OC90: variants seen among roughly 807,000 people sequenced by gnomAD.
OC90 encodes otoconin 90.
Under a neutral mutation model 47.3 loss-of-function variants are expected in OC90, and 46 were observed. That is an observed-to-expected ratio of 0.97 (90% confidence interval 0.77 to 1.24). The LOEUF is 1.24. Ranked by LOEUF, OC90 falls within the 50% of genes most tolerant of loss-of-function variation. The pLI is 0.00. For synonymous variants in OC90, 271 were observed against 219.5 expected, an observed-to-expected ratio of 1.23 and a Z score of -2.07; for missense variants, 688 against 583.9, an observed-to-expected ratio of 1.18 and a Z score of -1.84.
At chr8:132,055,982 T>G (rs1823275478) in intron 1 of OC90, among the ~76,000 whole-genome samples, 1 of 152,200 alleles carries the variant, frequency 6.6e-6, no homozygotes. Flanking sequence ...CCATAAATAA[T>G]GTAAATACGG....
At chr8:132,028,823 AAG>A (rs1822826370) in intron 13 of OC90, among the ~76,000 whole-genome samples, 1 of 142,410 alleles carries the variant, frequency 7.0e-6, no homozygotes, top group Non-Finnish European at 1.6e-5. Flanking sequence ...AAGAAAGAAA[AAG>A]AAAGAAAGAA....
intron 13 of OC90, among the ~76,000 whole-genome samples, chr8:132,028,724 G>GAA (rs564164299): frequency 2.9e-4 from 38 of 128,942 alleles, no homozygotes; most frequent in African/African-American, 4.7e-4. Flanking sequence ...AAGAAAGAAA[G>GAA]AGAAAGAAAG....
intron 12 of OC90, 73 bp downstream of exon 12, chr8:132,031,808 G>T: frequency 7.5e-7 from 1 of 1,342,044 alleles, no homozygotes; most frequent in Non-Finnish European, 1.0e-6. Flanking sequence ...TGTCCAGGAG[G>T]GCTGTCACCA....
intron 2 of OC90, among the ~76,000 whole-genome samples, chr8:132,046,782 C>T (rs1455246816): frequency 6.6e-6 from 1 of 152,208 alleles, no homozygotes; most frequent in Non-Finnish European, 1.5e-5. Context: ...CACTGTCCAT[C>T]TGACACTGTG....
chr8:132,024,643 G>T lies in OC90; in HGVS notation c.1272C>A (p.Ala424=), dbSNP rs749615461. Residue 424 remains alanine (A), a synonymous_variant, in exon 14 of 14, where the codon GCC becomes GCA. Coordinates refer to ENST00000254627, the MANE Select transcript of OC90 (RefSeq NM_001080399.3). ...GCACAGGGTGCAGGCTGTCTTCACA[G>T]GCTGCTGGCTGCCCAGGGCACCCGA... is the stretch of plus-strand genomic sequence containing the variant. The part of the protein sequence containing the change: ...SRLGCPGQPA[A]CEDSLHPVPA... The T allele has an allele frequency of 6.2e-7, 1 of 1,613,124 alleles. No individual in the cohort carries two copies. Among genetic ancestry groups the T allele is most frequent in the Admixed American group, 1.7e-5 (1 of 59,972 alleles).
At chr8:132,052,912 CACCCGGT>C (rs11278768) in intron 2 of OC90, among the ~76,000 whole-genome samples, 10,021 of 152,178 alleles carry the variant, frequency 0.066, 540 homozygotes, top group East Asian at 0.23. Flanking sequence ...AGCTTTTTCT[CACCCGGT>C]ACGTACGGCT....
chr8:132,049,410 G>T (rs553920182), intron 2 of OC90, among the ~76,000 whole-genome samples: 1 of 152,268 alleles, frequency 6.6e-6, no homozygotes, highest in South Asian at 2.1e-4. Context: ...AGGATCTCAC[G>T]CAATTCAAAA....
At position 132,045,800 on chromosome 8, in the gene OC90, A is replaced by C; in HGVS notation, c.112+18T>G. The C allele has an allele frequency of 6.9e-7, 1 of 1,458,252 alleles. No homozygotes were observed. 90.3% of individuals were successfully genotyped at this position (1,458,252 alleles called of 1,614,324 possible). ...AACTTTCTACTCTGCTCCTAAGAAAAGTTCTAAGAATCCTTACTGATATTG... is the reference window on the plus strand; with the variant it reads ...AACTTTCTACTCTGCTCCTAAGAAACGTTCTAAGAATCCTTACTGATATTG... On this transcript the variant is annotated intron_variant, in intron 3 of 13. Transcript: ENST00000254627.
intron 1 of OC90, among the ~76,000 whole-genome samples, chr8:132,056,070 A>G (rs2130866390): frequency 6.6e-6 from 1 of 152,304 alleles, no homozygotes; most frequent in East Asian, 1.9e-4. Context: ...CTTGATCCAT[A>G]CCACCCTAGT....
chr8:132,036,295 G>A (rs1325773910), intron 9 of OC90: 3 of 776,954 alleles, frequency 3.9e-6, no homozygotes, highest in South Asian at 2.7e-5. Flanking sequence ...ACAGGACTGA[G>A]CACAGATTTT....
chr8:132,055,181 G>A (rs72715330), intron 1 of OC90, 108 bp from the exon 2 acceptor site: 11,767 of 611,060 alleles, frequency 0.019, 185 homozygotes, highest in Non-Finnish European at 0.027. Context: ...TGTGGTAAAA[G>A]GAGAAAGCCC....
chr8:132,041,704 GGGGGT>G lies in OC90; in HGVS notation c.170-10_170-6del, dbSNP rs749981198. On this transcript the variant is annotated splice_region_variant and splice_polypyrimidine_tract_variant and intron_variant, in intron 4 of 13. Transcript: ENST00000254627. The stretch of plus-strand genomic sequence containing the variant: ...TGAAGTGGGGGCCCAGGCAATCTGT[GGGGGT>G]GGGGGGCAGGGCCTGATAAGCACTG... 16 of 1,515,920 alleles carry G rather than the reference GGGGGT, an allele frequency of 1.1e-5. No homozygotes were observed. The highest frequency in any genetic ancestry group is 1.7e-5 in the Admixed American group (1 of 58,188). 93.9% of individuals were successfully genotyped at this position (1,515,920 alleles called of 1,614,324 possible).
chr8:132,045,387 G>T (rs1413997724), intron 3 of OC90, among the ~76,000 whole-genome samples: 1 of 152,104 alleles, frequency 6.6e-6, no homozygotes, highest in African/African-American at 2.4e-5. Context: ...ATAAACTATC[G>T]CTGAGAAAAT....
At chr8:132,055,935 G>T (rs1823274930) in intron 1 of OC90, among the ~76,000 whole-genome samples, 1 of 152,190 alleles carries the variant, frequency 6.6e-6, no homozygotes, top group East Asian at 1.9e-4. Flanking sequence ...AGACCAGAGG[G>T]ATTTTAAAAT....
chr8:132,042,491 G>A (rs547966583), intron 4 of OC90, among the ~76,000 whole-genome samples: 15 of 152,250 alleles, frequency 9.9e-5, no homozygotes, highest in Admixed American at 3.3e-4. Context: ...GGCAGCAAGC[G>A]CAGTACCCAA....
At chr8:132,027,213 A>G (rs918576570) in intron 13 of OC90, among the ~76,000 whole-genome samples, 34 of 152,222 alleles carry the variant, frequency 2.2e-4, no homozygotes, top group Admixed American at 8.5e-4. Flanking sequence ...TCGCTTGCCT[A>G]CATCACTTCC....
At position 132,036,264 on chromosome 8, in the gene OC90, A is replaced by G; in HGVS notation, c.679+1174T>C. ...AAATGGGTATAATAATATTTATTTC[A>G]GGTTCCATTAAGAAGTGGTCACAGG... On this transcript the variant is annotated intron_variant, in intron 9 of 13. Transcript: ENST00000254627. 4 of 724,098 alleles carry G rather than the reference A, an allele frequency of 5.5e-6. No individual in the cohort carries two copies. The Admixed American group carries it at 8.0e-5, about 14-fold the overall frequency. The allele number at this position is 724,098 out of a possible 1,614,324, so 44.9% of individuals were successfully genotyped here. A position where few individuals can be genotyped will look rare whatever the true frequency, so the allele number is the denominator to read the frequency against.
chr8:132,048,494 A>T (rs11990891), intron 2 of OC90, among the ~76,000 whole-genome samples: 7,144 of 148,380 alleles, frequency 0.048, 768 homozygotes, highest in African/African-American at 0.17. Context: ...TTTTCACAGT[A>T]TTAAGTCCTG....
At position 132,055,048 on chromosome 8, in the gene OC90, G is replaced by C; in HGVS notation, c.-22C>G. The C allele has an allele frequency of 6.5e-7, 1 of 1,548,954 alleles. No individual in the cohort carries two copies. Among genetic ancestry groups the C allele is most frequent in the Non-Finnish European group, 8.7e-7 (1 of 1,144,806 alleles). Reference sequence around the variant, plus strand: ...TCATAGCAGGAGAACAAAGGATGGGGCTTAGGCAGCAACTGGAACGGACTC... The same window carrying C: ...TCATAGCAGGAGAACAAAGGATGGGCCTTAGGCAGCAACTGGAACGGACTC... On this transcript the variant is annotated 5_prime_UTR_variant, in exon 2 of 14. Transcript: ENST00000254627.
Sources: gnomAD v4.1 joint callset for allele counts (sites outside exome capture counted in the v4.1 genomes callset) on GRCh38, gnomAD v4.1.1 for gene constraint, MANE v1.5 for transcripts, NCBI Gene and HGNC (gene_info 2026-07-23, HGNC 2026-07-21) for gene names.